The following KRT7 variants were observed in gnomAD, a reference collection of about 807,000 sequenced individuals.
KRT7 encodes keratin 7.
KRT7 carries 50 observed loss-of-function variants against 42.8 expected under a neutral mutation model. The observed-to-expected ratio is 1.17, with a 90% CI of 0.93 to 1.48. The LOEUF is 1.48. Ranked by LOEUF, KRT7 falls within the 40% of genes most tolerant of loss-of-function variation. The pLI, the probability that KRT7 is intolerant of heterozygous loss-of-function variation, is 0.00. For missense variants in KRT7, 588 were observed against 637.6 expected (o/e 0.92, Z 0.84); for synonymous variants, 268 against 266.3 (o/e 1.01, Z -0.06).
chr12:52,245,378 G>A (rs1942152748), intron 6 of KRT7, 34 bp from the exon 7 acceptor site: 1 of 1,606,848 alleles, frequency 6.2e-7, no homozygotes. Flanking sequence ...GCAGACTGGT[G>A]AGCCCCAGCT....
chr12:52,245,746 G>A (rs1565721857), intron 7 of KRT7, 114 bp downstream of exon 7: 4 of 1,340,510 alleles, frequency 3.0e-6, no homozygotes, highest in Non-Finnish European at 4.1e-6. Flanking sequence ...AGGGCACTGG[G>A]TGTGGGGATG....
chr12:52,250,081 G>T (rs915171840), downstream of KRT7, among the ~76,000 whole-genome samples: 3 of 152,202 alleles, frequency 2.0e-5, no homozygotes, highest in Admixed American at 6.5e-5. Context: ...CAGCCAGGCA[G>T]GAGAGGTGGC....
At chr12:52,255,339 GGGTC>G (rs1248778309), downstream of KRT7, 2 of 456,788 alleles carry the variant, frequency 4.4e-6, no homozygotes, top group Non-Finnish European at 8.8e-6. Context: ...AAGGATTCTG[GGGTC>G]ACTCACCTTC....
chr12:52,249,741 G>A (rs1942234285), downstream of KRT7, among the ~76,000 whole-genome samples: 1 of 152,154 alleles, frequency 6.6e-6, no homozygotes, highest in Non-Finnish European at 1.5e-5. Flanking sequence ...AGGTCTCTGT[G>A]TCTGGGACCC....
intron 7 of KRT7, 55 bp downstream of exon 7, chr12:52,245,687 G>C (rs560553689): frequency 3.7e-6 from 6 of 1,603,386 alleles, no homozygotes; most frequent in African/African-American, 1.3e-5. Flanking sequence ...GGGGTTTGGG[G>C]CTTGACATTC....
At chr12:52,245,243 T>G in intron 6 of KRT7, 169 bp from the exon 7 acceptor site, 1 of 657,064 alleles carries the variant, frequency 1.5e-6, no homozygotes, top group Non-Finnish European at 2.6e-6. Flanking sequence ...AACATAGGCG[T>G]TGGATATCCA....
At chr12:52,236,235 C>A (rs1222459852) in intron 2 of KRT7, among the ~76,000 whole-genome samples, 1 of 147,004 alleles carries the variant, frequency 6.8e-6, no homozygotes, top group Non-Finnish European at 1.5e-5. Flanking sequence ...GGGCAAAAGT[C>A]AACAGGATTA....
chr12:52,252,370 G>C, downstream of KRT7: 1 of 1,614,100 alleles, frequency 6.2e-7, no homozygotes, highest in Non-Finnish European at 8.5e-7. Context: ...GCCATGTCCT[G>C]CTTGGCCTTC....
chr12:52,255,754 A>C (rs1010805294), downstream of KRT7, among the ~76,000 whole-genome samples: 1 of 151,552 alleles, frequency 6.6e-6, no homozygotes, highest in Non-Finnish European at 1.5e-5. Context: ...TTACTTCCTT[A>C]CTCCTTTCCC....
At chr12:52,236,441 G>A (rs1942013840) in intron 2 of KRT7, among the ~76,000 whole-genome samples, 1 of 152,048 alleles carries the variant, frequency 6.6e-6, no homozygotes, top group Admixed American at 6.5e-5. Context: ...ACTGAAAGAG[G>A]AACTGGAAGG....
intron 2 of KRT7, among the ~76,000 whole-genome samples, 186 bp downstream of exon 2, chr12:52,235,552 G>A (rs1246526145): frequency 6.6e-6 from 1 of 152,126 alleles, no homozygotes; most frequent in Non-Finnish European, 1.5e-5. Context: ...GTCCCTGGGG[G>A]CTGTTTCCAA....
At chr12:52,253,413 A>T (rs11612499), downstream of KRT7, 332,366 of 1,581,904 alleles carry the variant, frequency 0.21, 36,794 homozygotes, top group Non-Finnish European at 0.23. Context: ...ATGATTGTGC[A>T]GGTTGTGCAG....
chr12:52,235,327 T>G lies in KRT7; in HGVS notation c.497T>G (p.Leu166Arg), dbSNP rs1941998168. The change falls in exon 2 of 9, where the codon CTG becomes CGG. Residue 166 changes from leucine (L) to arginine (R), a missense_variant. Leu to Arg is a moderately radical substitution (Grantham distance 102, BLOSUM62 -2). Coordinates refer to ENST00000331817, the MANE Select transcript of KRT7 (RefSeq NM_005556.4). Reference sequence around the variant, plus strand: ...GATGGGGGCCGCCTGGAGGCGGAGCTGCGGAGCATGCAGGATGTGGTGGAG... The same window carrying G: ...GATGGGGGCCGCCTGGAGGCGGAGCGGCGGAGCATGCAGGATGTGGTGGAG... ...QVDGGRLEAELRSMQDVVEDF... is the reference protein window; with the variant it reads ...QVDGGRLEAERRSMQDVVEDF... 2 of 1,613,616 alleles carry G rather than the reference T, an allele frequency of 1.2e-6. No homozygotes were observed. Among genetic ancestry groups the G allele is most frequent in the Non-Finnish European group, 1.7e-6 (2 of 1,179,868 alleles).
downstream of KRT7, chr12:52,252,577 G>T: frequency 6.8e-7 from 1 of 1,465,154 alleles, no homozygotes; most frequent in Non-Finnish European, 9.2e-7. Context: ...AGAAAAAGAG[G>T]CCTTGTCTAT....
chr12:52,253,785 G>T, downstream of KRT7: 1 of 715,438 alleles, frequency 1.4e-6, no homozygotes, highest in Non-Finnish European at 2.4e-6. Flanking sequence ...ATGGGGAGTG[G>T]CAAGAGCTTC....
chr12:52,238,702 G>C lies in KRT7; in HGVS notation c.620G>C (p.Ser207Thr). The C allele has an allele frequency of 6.2e-7, 1 of 1,613,882 alleles. No homozygotes were observed. The highest frequency in any genetic ancestry group is 8.5e-7 in the Non-Finnish European group (1 of 1,179,760). ...CAGGATGTGGATGCTGCCTACATGA[G>C]CAAGGTGGAGCTGGAGGCCAAGGTG... is the stretch of plus-strand genomic sequence containing the variant. ...LKKDVDAAYM[S>T]KVELEAKVDA... The change falls in exon 4 of 9, where the codon AGC (serine) becomes ACC (threonine). Residue 207 changes from serine to threonine, a missense_variant. Coordinates refer to ENST00000331817, the MANE Select transcript of KRT7 (RefSeq NM_005556.4).
chr12:52,238,650 C>T (rs760276265), intron 3 of KRT7, 30 bp from the exon 4 acceptor site: 5 of 1,345,888 alleles, frequency 3.7e-6, no homozygotes, highest in Non-Finnish European at 4.3e-6. Context: ...GACATGGTCT[C>T]CCTCTGCCCC....
chr12:52,253,702 G>A (rs561847326), downstream of KRT7: 14 of 1,390,414 alleles, frequency 1.0e-5, no homozygotes, highest in Middle Eastern at 2.0e-4. Context: ...TTCAGGTCCC[G>A]ACTGTTGTCC....
chr12:52,233,283 C>A lies in KRT7; in HGVS notation c.-14C>A. The A allele has an allele frequency of 6.5e-7, 1 of 1,533,536 alleles. No homozygotes were observed. The highest frequency in any genetic ancestry group is 1.4e-5 in the African/African-American group (1 of 69,010). 95.0% of individuals were successfully genotyped at this position (1,533,536 alleles called of 1,614,324 possible). On this transcript the variant is annotated 5_prime_UTR_variant, in exon 1 of 9. Transcript: ENST00000331817. ...CTCCTCGCCCGCCGCTAGGTCCATC[C>A]CGGCCCAGCCACCATGTCCATCCAC...
Sources: allele counts gnomAD v4.1 joint callset (sites outside exome capture counted in the v4.1 genomes callset), GRCh38; gene constraint gnomAD v4.1.1; transcripts MANE v1.5; gene names NCBI Gene and HGNC (gene_info 2026-07-23, HGNC 2026-07-21).